Variants in NOS2 observed in about 807,000 individuals in gnomAD.
The protein encoded by NOS2 is nitric oxide synthase 2.
NOS2 carries 96 observed loss-of-function variants against 136.0 expected under a neutral mutation model. That is an observed-to-expected ratio of 0.71 (90% CI 0.60 to 0.84). The LOEUF (loss-of-function observed/expected upper bound fraction) is 0.84. NOS2 is among the 40% of genes least tolerant of loss of function. The pLI, the probability that NOS2 is intolerant of heterozygous loss-of-function variation, is 0.00. For synonymous variants in NOS2, 539 were observed against 587.5 expected (o/e 0.92, Z 1.20); for missense variants, 1,237 against 1,496.9 (o/e 0.83, Z 2.87).
chr17:27,761,080 C>T (rs1908109193), intron 23 of NOS2, 64 bp downstream of exon 23: 1 of 1,421,378 alleles, frequency 7.0e-7, no homozygotes, highest in Non-Finnish European at 9.4e-7. Context: ...AGATCCCTCC[C>T]TTTCCTCCCG....
chr17:27,759,094 G>C lies in NOS2; in HGVS notation c.3160-19C>G, dbSNP rs1908026515. ...CATAGACCTGAAACCAGAGGAAACA[G>C]TGGGTTCAGTCCTCAGCTGCTCAGG... On this transcript the variant is annotated intron_variant, in intron 25 of 26. Transcript: ENST00000313735. 1 of 1,555,970 alleles carries C rather than the reference G, an allele frequency of 6.4e-7. No individual in the cohort carries two copies. Among genetic ancestry groups the C allele is most frequent in the Admixed American group, 1.8e-5 (1 of 54,562 alleles).
chr17:27,764,300 T>C (rs1387795506), intron 20 of NOS2, among the ~76,000 whole-genome samples, 156 bp from the exon 21 acceptor site: 14 of 151,738 alleles, frequency 9.2e-5, no homozygotes, highest in Admixed American at 6.6e-4. Context: ...AGGAAGAAGG[T>C]GGCGCATGGA....
Position 27,788,808 on chromosome 17 carries a change from C to A in NOS2, c.318+1G>T, listed in dbSNP as rs1252502894. On this transcript the variant is annotated splice_donor_variant, in intron 4 of 26. Transcript: ENST00000313735. LOFTEE classifies it high-confidence loss of function. ...GGTTCTCCCTGAAGCCCCAGACTTA[C>A]CCCTTTGGCCTTATGGTGAAGTGTG... The A allele has an allele frequency of 1.9e-6, 3 of 1,613,112 alleles. No individual in the cohort carries two copies. The highest frequency in any genetic ancestry group is 1.3e-5 in the African/African-American group (1 of 74,928).
chr17:27,758,030 C>A (rs1313139970), intron 26 of NOS2, among the ~76,000 whole-genome samples: 1 of 152,186 alleles, frequency 6.6e-6, no homozygotes, highest in Non-Finnish European at 1.5e-5. Flanking sequence ...TAAAATTACA[C>A]TCCCCAGCGT....
chr17:27,787,598 A>G, intron 5 of NOS2, 80 bp downstream of exon 5: 1 of 1,081,832 alleles, frequency 9.2e-7, no homozygotes, highest in Non-Finnish European at 1.3e-6. Context: ...GGATCTAGCT[A>G]GGATCAGAGG....
chr17:27,776,610 T>A (rs1597551522), intron 11 of NOS2, among the ~76,000 whole-genome samples: 1 of 143,892 alleles, frequency 6.9e-6, no homozygotes, highest in Non-Finnish European at 1.5e-5. Context: ...GAGGCGGAGG[T>A]TGCAGTGAGC....
chr17:27,764,619 C>T (rs1226211257), intron 20 of NOS2, among the ~76,000 whole-genome samples: 3 of 152,210 alleles, frequency 2.0e-5, no homozygotes, highest in Non-Finnish European at 4.4e-5. Context: ...AGCACAGACC[C>T]TGGTGCCAGA....
chr17:27,797,821 G>A (rs1311766462), intron 2 of NOS2, among the ~76,000 whole-genome samples: 1 of 152,182 alleles, frequency 6.6e-6, no homozygotes, highest in Non-Finnish European at 1.5e-5. Context: ...GCCCGGGGAG[G>A]AGGGACATGA....
intron 2 of NOS2, chr17:27,793,731 G>A (rs1909266559): frequency 5.1e-6 from 2 of 391,300 alleles, no homozygotes; most frequent in South Asian, 1.3e-4. Flanking sequence ...CTGGCTCCAC[G>A]CGCCTCCCAG....
intron 24 of NOS2, 59 bp from the exon 25 acceptor site, chr17:27,760,237 A>C: frequency 6.8e-7 from 1 of 1,481,256 alleles, no homozygotes; most frequent in Non-Finnish European, 9.0e-7. Flanking sequence ...CAGGGCTCCA[A>C]GCCCAACTGG....
At position 27,798,857 on chromosome 17, in the gene NOS2, G is replaced by T; in HGVS notation, c.-48C>A. The stretch of plus-strand genomic sequence containing the variant: ...TCACTTATGTCACTTATCTGGATTT[G>T]AGCTCAGATGTTCTTCACTGTGGGG... On this transcript the variant is annotated 5_prime_UTR_variant, in exon 2 of 27. Coordinates refer to ENST00000313735, the MANE Select transcript of NOS2 (RefSeq NM_000625.4). 8.6e-7 allele frequency: 1 copy of T among 1,158,496 alleles called. No individual in the cohort carries two copies. The highest frequency in any genetic ancestry group is 1.3e-6 in the Non-Finnish European group (1 of 764,576). The allele number at this position is 1,158,496 out of a possible 1,614,324, so 71.8% of individuals were successfully genotyped here.
chr17:27,759,813 G>C (rs535735861), intron 25 of NOS2, among the ~76,000 whole-genome samples: 1 of 152,180 alleles, frequency 6.6e-6, no homozygotes, highest in Non-Finnish European at 1.5e-5. Flanking sequence ...GTTAACCCGC[G>C]TGTGACCTAG....
chr17:27,782,186 T>A, intron 6 of NOS2, 80 bp from the exon 7 acceptor site: 1 of 1,256,768 alleles, frequency 8.0e-7, no homozygotes, highest in Non-Finnish European at 1.1e-6. Flanking sequence ...TCACTGGGAA[T>A]CAATAGTGCA....
Position 27,791,769 on chromosome 17 carries a change from G to GAAAAAAAAA in NOS2, c.111-2082_111-2081insTTTTTTTTT, listed in dbSNP as rs869055216. Reference sequence around the variant, plus strand: ...TGGTCTAGACTGGTGTGGCCTGCCAGAAAAAAACAAAACAAAACAAAACAA... The same window carrying GAAAAAAAAA: ...TGGTCTAGACTGGTGTGGCCTGCCAGAAAAAAAAAAAAAAAACAAAACAAAACAAAACAA... On this transcript the variant is annotated intron_variant, in intron 2 of 26. Transcript: ENST00000313735. Among the ~76,000 whole-genome samples, 359 of 110,918 alleles carry GAAAAAAAAA rather than the reference G, an allele frequency of 3.2e-3. 18 individuals carry two copies. Among genetic ancestry groups the GAAAAAAAAA allele is most frequent in the African/African-American group, 8.6e-3 (226 of 26,230 alleles). 72.8% of individuals were successfully genotyped at this position (110,918 alleles called of 152,430 possible).
rs145446362 is a variant in NOS2 at position 27,775,919 on chromosome 17, G to C, written c.1282-1468C>G. On this transcript the variant is annotated intron_variant, in intron 11 of 26. Transcript: ENST00000313735. ...GCCAGGCACTGCATAAGGCATCGGC[G>C]TTATAGAAGGGAAAGACACAGCCCT... 4.6e-5 allele frequency among the ~76,000 whole-genome samples: 7 copies of C among 152,374 alleles called. No individual in the cohort carries two copies. The East Asian group carries it at 1.3e-3, about 29-fold the overall frequency.
chr17:27,777,230 C>T (rs142002355), intron 11 of NOS2, among the ~76,000 whole-genome samples: 67 of 152,372 alleles, frequency 4.4e-4, no homozygotes, highest in African/African-American at 1.6e-3. Flanking sequence ...CAGCCTAGTG[C>T]CCAGCACCAG....
chr17:27,789,066 G>GC, intron 3 of NOS2, 135 bp from the exon 4 acceptor site: 1 of 1,240,942 alleles, frequency 8.1e-7, no homozygotes, highest in Non-Finnish European at 1.1e-6. Context: ...TCTGTTTCCA[G>GC]CCCCCGGGCG....
intron 2 of NOS2, among the ~76,000 whole-genome samples, chr17:27,791,777 C>CAAAAAAAAAAAA (rs1567643042): frequency 9.0e-6 from 1 of 110,910 alleles, no homozygotes; most frequent in Non-Finnish European, 1.7e-5. Flanking sequence ...CAGAAAAAAA[C>CAAAAAAAAAAAA]AAAACAAAAC....
chr17:27,776,695 A>C (rs1381721884), intron 11 of NOS2, among the ~76,000 whole-genome samples: 1 of 151,818 alleles, frequency 6.6e-6, no homozygotes, highest in Non-Finnish European at 1.5e-5. Context: ...AAAAAAAAAA[A>C]AAAACTCAGT....
Sources: allele counts gnomAD v4.1 joint callset (sites outside exome capture counted in the v4.1 genomes callset), GRCh38; gene constraint gnomAD v4.1.1; transcripts MANE v1.5; gene names NCBI Gene and HGNC (gene_info 2026-07-23, HGNC 2026-07-21).